The following PAK5 variants were observed in gnomAD, a reference collection of about 807,000 sequenced individuals.
The protein encoded by PAK5 is serine/threonine-protein kinase PAK 5.
PAK5 carries 16 observed loss-of-function variants against 65.9 expected under a neutral mutation model. The observed-to-expected ratio is 0.24, with a 90% CI of 0.16 to 0.37. The LOEUF (loss-of-function observed/expected upper bound fraction) is 0.37. Ranked by LOEUF, PAK5 falls within the 10% of genes least tolerant of loss-of-function variation. The probability of loss-of-function intolerance (pLI) is 1.00; values close to 1 mark genes in which losing one functional copy is unlikely to be tolerated. For synonymous variants in PAK5, 371 were observed against 354.9 expected (o/e 1.05, Z -0.51); for missense variants, 785 against 903.9 (o/e 0.87, Z 1.69).
In PAK5 at chr20:9,537,989, G is replaced by T. The variant is rs1031757364; in HGVS notation, c.*1473C>A. Reference sequence around the variant, plus strand: ...TTTAAATTCATATTTGTTACAGTATGTGAAATAGTTAAGAAAAGCCTCTGT... The same window carrying T: ...TTTAAATTCATATTTGTTACAGTATTTGAAATAGTTAAGAAAAGCCTCTGT... On this transcript the variant is annotated 3_prime_UTR_variant, in exon 10 of 10. Coordinates refer to ENST00000353224, the MANE Select transcript of PAK5 (RefSeq NM_177990.4). The T allele has an allele frequency of 4.3e-6, 1 of 231,912 alleles. No homozygotes were observed. The highest frequency in any genetic ancestry group is 5.6e-5 in the Admixed American group (1 of 17,724). 14.4% of individuals were successfully genotyped at this position (231,912 alleles called of 1,614,324 possible). A position where few individuals can be genotyped will look rare whatever the true frequency, so the allele number is the denominator to read the frequency against.
chr20:9,645,878 G>T (rs781296770), intron 2 of PAK5, among the ~76,000 whole-genome samples: 1 of 152,140 alleles, frequency 6.6e-6, no homozygotes, highest in Non-Finnish European at 1.5e-5. Context: ...GAGCCACTGC[G>T]CCCAGCCTAT....
At chr20:9,721,414 G>A (rs527525682) in intron 1 of PAK5, among the ~76,000 whole-genome samples, 10 of 152,076 alleles carry the variant, frequency 6.6e-5, no homozygotes, top group Admixed American at 3.3e-4. Context: ...TTGGTAGGCC[G>A]AGGTGGGCGG....
intron 3 of PAK5, among the ~76,000 whole-genome samples, chr20:9,590,490 A>G (rs887291118): frequency 3.3e-5 from 5 of 152,254 alleles, no homozygotes; most frequent in South Asian, 4.2e-4. Context: ...GAGAGACTAT[A>G]TGGCCTGCAA....
chr20:9,641,775 G>A (rs113904491), intron 3 of PAK5, among the ~76,000 whole-genome samples: 1,856 of 152,232 alleles, frequency 0.012, 14 homozygotes, highest in Non-Finnish European at 0.02. Flanking sequence ...CGAGCACAGC[G>A]CCGGTGGGCC....
chr20:9,819,053 CAAAG>C (rs2049390165), intron 1 of PAK5, among the ~76,000 whole-genome samples: 2 of 152,134 alleles, frequency 1.3e-5, no homozygotes, highest in Middle Eastern at 3.4e-3. Flanking sequence ...ATGAGAAAGC[CAAAG>C]AAAGAAAGCA....
intron 1 of PAK5, among the ~76,000 whole-genome samples, chr20:9,808,365 C>A (rs1433033933): frequency 6.6e-6 from 1 of 152,060 alleles, no homozygotes; most frequent in Non-Finnish European, 1.5e-5. Flanking sequence ...AACTGAGTTA[C>A]CATATGGCTT....
chr20:9,708,480 A>G (rs991103553), intron 2 of PAK5, among the ~76,000 whole-genome samples: 2 of 152,174 alleles, frequency 1.3e-5, no homozygotes, highest in Admixed American at 1.3e-4. Flanking sequence ...TTAATATAGG[A>G]CTTGGCTTCT....
At chr20:9,835,138 G>A (rs1296901767) in intron 1 of PAK5, among the ~76,000 whole-genome samples, 1 of 152,180 alleles carries the variant, frequency 6.6e-6, no homozygotes, top group Non-Finnish European at 1.5e-5. Flanking sequence ...GTTGGCACAG[G>A]AAAATGCTAT....
At chr20:9,709,704 T>C (rs572249604) in intron 2 of PAK5, among the ~76,000 whole-genome samples, 1 of 152,220 alleles carries the variant, frequency 6.6e-6, no homozygotes, top group African/African-American at 2.4e-5. Context: ...TTAGAACAAT[T>C]TCAGACAGTT....
chr20:9,832,581 GATAAGTATTTTTAAACT>G (rs1978813040), intron 1 of PAK5, among the ~76,000 whole-genome samples: 1 of 152,182 alleles, frequency 6.6e-6, no homozygotes, highest in East Asian at 1.9e-4. Flanking sequence ...CAGACATTTT[GATAAGTATTTTTAAACT>G]TCTCTGTAGG....
chr20:9,629,210 T>C (rs2046889543), intron 3 of PAK5, among the ~76,000 whole-genome samples: 1 of 152,220 alleles, frequency 6.6e-6, no homozygotes, highest in Non-Finnish European at 1.5e-5. Context: ...GCCAGACTCC[T>C]GACCCATAGA....
At chr20:9,592,547 T>G (rs1413996216) in intron 3 of PAK5, among the ~76,000 whole-genome samples, 1 of 152,238 alleles carries the variant, frequency 6.6e-6, no homozygotes, top group African/African-American at 2.4e-5. Flanking sequence ...GTTTATGATT[T>G]GTATATCTTA....
chr20:9,695,801 TA>T (rs1005662790), intron 2 of PAK5, among the ~76,000 whole-genome samples: 2,432 of 148,030 alleles, frequency 0.016, 65 homozygotes, highest in African/African-American at 0.057. Flanking sequence ...TCTCAAATTC[TA>T]AAAAAAAAAA....
intron 3 of PAK5, among the ~76,000 whole-genome samples, chr20:9,604,449 G>T (rs2046415413): frequency 6.6e-6 from 1 of 152,106 alleles, no homozygotes; most frequent in African/African-American, 2.4e-5. Context: ...GGTCCCCTTT[G>T]CTATTGAGGT....
Position 9,642,052 on chromosome 20 carries a change from G to C in PAK5, c.204+2073C>G, listed in dbSNP as rs372285092. On this transcript the variant is annotated intron_variant, in intron 3 of 9. Coordinates refer to ENST00000353224, the MANE Select transcript of PAK5 (RefSeq NM_177990.4). ...AGGGGCTCCCACAGTGCAGCGGGGG[G>C]GCTGAAGGGCTCCTCAAATGCCACC... Among the ~76,000 whole-genome samples the C allele has an allele frequency of 1.1e-4, 17 of 152,346 alleles. No individual in the cohort carries two copies. The South Asian group carries it at 1.2e-3, about 11-fold the overall frequency.
intron 3 of PAK5, among the ~76,000 whole-genome samples, chr20:9,591,484 A>G (rs2046169946): frequency 6.6e-6 from 1 of 152,154 alleles, no homozygotes; most frequent in South Asian, 2.1e-4. Flanking sequence ...AAGGATGTTC[A>G]AAACTCAGAA....
chr20:9,648,185 T>C (rs571066965), intron 2 of PAK5, among the ~76,000 whole-genome samples: 1 of 152,270 alleles, frequency 6.6e-6, no homozygotes, highest in East Asian at 1.9e-4. Context: ...CTGTGATTTA[T>C]TACCATGAGA....
chr20:9,590,709 C>T (rs907705320), intron 3 of PAK5, among the ~76,000 whole-genome samples: 2 of 152,080 alleles, frequency 1.3e-5, no homozygotes, highest in Non-Finnish European at 2.9e-5. Flanking sequence ...GGCATCACTT[C>T]GTTTACTGTC....
Position 9,580,814 on chromosome 20 carries a change from G to T in PAK5, c.321C>A (p.Thr107=). The part of the protein sequence containing the change: ...SNSLRKESPP[T]PDQGASSHGP... ...CGTGGCTGGAGGCTCCCTGATCTGG[G>T]GTGGGTGGGCTTTCTTTCCTTAGGG... The change falls in exon 4 of 10, where the codon ACC becomes ACA. Residue 107 remains threonine, a synonymous_variant. Transcript: ENST00000353224. The T allele has an allele frequency of 2.5e-6, 4 of 1,613,966 alleles. No individual in the cohort carries two copies. The highest frequency in any genetic ancestry group is 3.4e-6 in the Non-Finnish European group (4 of 1,179,968).
Sources: gnomAD v4.1 joint callset for allele counts (sites outside exome capture counted in the v4.1 genomes callset) on GRCh38, gnomAD v4.1.1 for gene constraint, MANE v1.5 for transcripts, NCBI Gene and HGNC (gene_info 2026-07-23, HGNC 2026-07-21) for gene names.